The following DNAJC25 variants were observed in gnomAD, a reference collection of about 807,000 sequenced individuals.
DNAJC25 encodes DnaJ heat shock protein family (Hsp40) member C25, also known as dnaJ homolog subfamily C member 25.
DNAJC25 carries 26 observed loss-of-function variants against 42.1 expected under a neutral mutation model. The ratio of observed to expected loss-of-function variants is 0.62; its 90% CI spans 0.45 to 0.86. DNAJC25 has a LOEUF of 0.86. Among genes scored for constraint, DNAJC25 ranks in the 40% least tolerant of loss-of-function variants. The pLI is 0.00. For synonymous variants in DNAJC25, 189 were observed against 179.9 expected (o/e 1.05, Z -0.40); for missense variants, 404 against 459.4 (o/e 0.88, Z 1.10).
chr9:111,636,587 T>A (rs62569896), intron 1 of DNAJC25, among the ~76,000 whole-genome samples: 7,530 of 152,278 alleles, frequency 0.049, 309 homozygotes, highest in South Asian at 0.15. Context: ...CCCAAATAGC[T>A]GCGATTACTG....
rs1589344124 is a variant in DNAJC25 at position 111,641,664 on chromosome 9, G to A, written c.337-5443G>A. On this transcript the variant is annotated intron_variant, in intron 1 of 3. Transcript: ENST00000313525. ...CCCCGCCCGGCCAGCCGCCCCGTCC[G>A]GGAGGGAGGTGGGGGGGGGGTCAGC... 4.5e-5 allele frequency among the ~76,000 whole-genome samples: 6 copies of A among 134,182 alleles called. No homozygotes were observed. In the South Asian group the frequency reaches 7.0e-4, roughly 16 times the overall value. 88.0% of individuals were successfully genotyped at this position (134,182 alleles called of 152,430 possible). A position where few individuals can be genotyped will look rare whatever the true frequency, so the allele number is the denominator to read the frequency against.
At chr9:111,641,370 G>A (rs1279607755) in intron 1 of DNAJC25, among the ~76,000 whole-genome samples, 343 of 126,338 alleles carry the variant, frequency 2.7e-3, no homozygotes, top group East Asian at 6.9e-3. Flanking sequence ...TCAGCCCCCC[G>A]CCCGGCCAGC....
At chr9:111,641,660 G>C (rs1311670476) in intron 1 of DNAJC25, among the ~76,000 whole-genome samples, 3 of 118,618 alleles carry the variant, frequency 2.5e-5, no homozygotes, top group Admixed American at 7.8e-5. Context: ...CAGCCGCCCC[G>C]TCCGGGAGGG....
chr9:111,643,063 T>G (rs1387081263), intron 1 of DNAJC25: 1 of 341,848 alleles, frequency 2.9e-6, no homozygotes, highest in Non-Finnish European at 6.1e-6. Context: ...TCCACAAAAT[T>G]GCTGAAAGAA....
chr9:111,631,889 C>T (rs1589338588), intron 1 of DNAJC25, 146 bp downstream of exon 1: 2 of 1,378,806 alleles, frequency 1.5e-6, no homozygotes, highest in Non-Finnish European at 1.9e-6. Flanking sequence ...CTCACGTTTC[C>T]CACGTGGCCC....
chr9:111,649,728 C>G lies in DNAJC25; in HGVS notation c.765C>G (p.His255Gln). Residue 255 changes from histidine to glutamine, a missense_variant, in exon 3 of 4, where the codon CAC becomes CAG. Physicochemically the swap from His to Gln is conservative, Grantham distance 24. Transcript: ENST00000313525. ...TTCAAATTATCTTAGCTCCTTTTCA[C>G]CTATGCTCATATATAGTTTGGTATT... ...LLFQIILAPF[H>Q]LCSYIVWYCR... 2 of 1,614,068 alleles carry G rather than the reference C, an allele frequency of 1.2e-6. No homozygotes were observed. The highest frequency in any genetic ancestry group is 1.7e-6 in the Non-Finnish European group (2 of 1,180,018).
chr9:111,632,519 G>C (rs958818328), intron 1 of DNAJC25, among the ~76,000 whole-genome samples: 1 of 152,166 alleles, frequency 6.6e-6, no homozygotes, highest in African/African-American at 2.4e-5. Flanking sequence ...ATTGAGTCTT[G>C]TGGGGATGAG....
chr9:111,631,353 CGCGGCTG>C lies in DNAJC25; in HGVS notation c.-54_-48del. ...GGGGCCAGACGGGACTAGCCGGGCG[CGCGGCTG>C]AGTGCTGCAGAATCGCTGGGGTGGC... On this transcript the variant is annotated 5_prime_UTR_variant, in exon 1 of 4. Coordinates refer to ENST00000313525, the MANE Select transcript of DNAJC25 (RefSeq NM_001015882.3). 8.0e-7 allele frequency: 1 copy of C among 1,253,304 alleles called. No homozygotes were observed. The allele number at this position is 1,253,304 out of a possible 1,614,324, so 77.6% of individuals were successfully genotyped here. A position where few individuals can be genotyped will look rare whatever the true frequency, so the allele number is the denominator to read the frequency against.
At position 111,640,900 on chromosome 9, in the gene DNAJC25, C is replaced by G. The variant is rs1187033275; in HGVS notation, c.337-6207C>G. 6.8e-5 allele frequency among the ~76,000 whole-genome samples: 7 copies of G among 103,692 alleles called. No homozygotes were observed. The East Asian group carries it at 1.8e-3, about 26-fold the overall frequency. 68.0% of individuals were successfully genotyped at this position (103,692 alleles called of 152,430 possible). A position where few individuals can be genotyped will look rare whatever the true frequency, so the allele number is the denominator to read the frequency against. ...GGAGGGAGGTGGGGGGTCAGCCCCC[C>G]CGCCCGGCCAGCCGTGCCGTCCGGC... On this transcript the variant is annotated intron_variant, in intron 1 of 3. Coordinates refer to ENST00000313525, the MANE Select transcript of DNAJC25 (RefSeq NM_001015882.3).
chr9:111,632,667 TGTAAA>T (rs1284486451), intron 1 of DNAJC25, among the ~76,000 whole-genome samples: 3 of 147,906 alleles, frequency 2.0e-5, no homozygotes, highest in Admixed American at 1.4e-4. Flanking sequence ...CGATTGTAGT[TGTAAA>T]GTATTTCTTT....
In DNAJC25 at chr9:111,642,839, A is replaced by G. The variant is rs1375452689; in HGVS notation, c.337-4268A>G. 5 of 470,686 alleles carry G rather than the reference A, an allele frequency of 1.1e-5. 1 individual carries two copies. The highest frequency in any genetic ancestry group is 1.0e-4 in the African/African-American group (5 of 50,000). 29.2% of individuals were successfully genotyped at this position (470,686 alleles called of 1,614,324 possible). On this transcript the variant is annotated intron_variant, in intron 1 of 3. Transcript: ENST00000313525. ...TTCCTCTTGTTCACTTTTGATCTAG[A>G]TATTGGTTATGTTCCAGTCCTCCTG...
chr9:111,652,526 A>G (rs1047659701), intron 3 of DNAJC25, among the ~76,000 whole-genome samples: 6 of 148,844 alleles, frequency 4.0e-5, no homozygotes, highest in Non-Finnish European at 7.4e-5. Flanking sequence ...AAAAAAAAAA[A>G]AAAAAAAGTA....
chr9:111,653,475 A>T lies in DNAJC25; in HGVS notation c.*253A>T. 1 of 306,604 alleles carries T rather than the reference A, an allele frequency of 3.3e-6. No homozygotes were observed. Among genetic ancestry groups the T allele is most frequent in the Non-Finnish European group, 5.5e-6 (1 of 180,802 alleles). 19.0% of individuals were successfully genotyped at this position (306,604 alleles called of 1,614,324 possible). A position where few individuals can be genotyped will look rare whatever the true frequency, so the allele number is the denominator to read the frequency against. ...TTCACATGAAGATTTATTAGTTGCCATTTAAAATTTTTATATGTTTAGTTA... is the reference window on the plus strand; with the variant it reads ...TTCACATGAAGATTTATTAGTTGCCTTTTAAAATTTTTATATGTTTAGTTA... On this transcript the variant is annotated 3_prime_UTR_variant, in exon 4 of 4. Transcript: ENST00000313525.
intron 1 of DNAJC25, among the ~76,000 whole-genome samples, chr9:111,635,881 T>C (rs1341448553): frequency 2.0e-5 from 3 of 151,122 alleles, no homozygotes; most frequent in Non-Finnish European, 4.4e-5. Flanking sequence ...TTAGGAAGAA[T>C]TTAGCAAAAA....
At chr9:111,646,162 T>C (rs1170237434) in intron 1 of DNAJC25, among the ~76,000 whole-genome samples, 1 of 152,260 alleles carries the variant, frequency 6.6e-6, no homozygotes, top group Non-Finnish European at 1.5e-5. Context: ...TTTTTATCTT[T>C]AATTTTTTTG....
chr9:111,636,591 AT>A (rs957162208), intron 1 of DNAJC25, among the ~76,000 whole-genome samples: 4 of 152,182 alleles, frequency 2.6e-5, no homozygotes, highest in African/African-American at 9.7e-5. Context: ...AATAGCTGCG[AT>A]TACTGGCACA....
In DNAJC25 at chr9:111,654,078, A is replaced by G. The variant is rs1316485643; in HGVS notation, c.*856A>G. The G allele has an allele frequency of 6.6e-6, 1 of 152,192 alleles. No individual in the cohort carries two copies. Among genetic ancestry groups the G allele is most frequent in the Non-Finnish European group, 1.5e-5 (1 of 68,024 alleles). The allele number at this position is 152,192 out of a possible 1,614,324, so 9.4% of individuals were successfully genotyped here. A position where few individuals can be genotyped will look rare whatever the true frequency, so the allele number is the denominator to read the frequency against. On this transcript the variant is annotated 3_prime_UTR_variant, in exon 4 of 4. Coordinates refer to ENST00000313525, the MANE Select transcript of DNAJC25 (RefSeq NM_001015882.3). ...TGTATTGAAAAGTTGTTCATCTATT[A>G]TGAAGTCCTTGAGTGGTGAAAAATC...
At chr9:111,639,208 T>C (rs1369339217) in intron 1 of DNAJC25, among the ~76,000 whole-genome samples, 2 of 152,220 alleles carry the variant, frequency 1.3e-5, no homozygotes, top group East Asian at 3.8e-4. Context: ...CACGGACCTG[T>C]CTTGTCTTTT....
At position 111,649,936 on chromosome 9, in the gene DNAJC25, C is replaced by CGGTG. The variant is rs751842503; in HGVS notation, c.960+13_960+14insGGTG. 1.3e-6 allele frequency: 2 copies of CGGTG among 1,538,320 alleles called. No homozygotes were observed. The highest frequency in any genetic ancestry group is 1.4e-5 in the African/African-American group (1 of 71,980). ...GGAGAATTATGAGGTGAGTAGTCAC[C>CGGTG]CTGCTGTGATTTAAGTGTCATCCAC... On this transcript the variant is annotated intron_variant, in intron 3 of 3. Coordinates refer to ENST00000313525, the MANE Select transcript of DNAJC25 (RefSeq NM_001015882.3).
Sources: gnomAD v4.1 joint callset for allele counts (sites outside exome capture counted in the v4.1 genomes callset) on GRCh38, gnomAD v4.1.1 for gene constraint, MANE v1.5 for transcripts, NCBI Gene and HGNC (gene_info 2026-07-23, HGNC 2026-07-21) for gene names.